The following IL34 variants were observed in gnomAD, a reference collection of about 807,000 sequenced individuals.
The protein encoded by IL34 is interleukin-34.
IL34 carries 17 observed loss-of-function variants against 25.3 expected under a neutral mutation model. The ratio of observed to expected loss-of-function variants is 0.67; its 90% CI spans 0.46 to 1.01. IL34 has a LOEUF of 1.01. Among genes scored for constraint, IL34 ranks in the 50% least tolerant of loss-of-function variants. IL34 has a pLI of 0.00. For missense variants in IL34, 368 were observed against 312.9 expected (o/e 1.18, Z -1.33); for synonymous variants, 174 against 140.9 (o/e 1.23, Z -1.66).
chr16:70,600,893 T>TAGGAGATGCTGGGAGAAATG (rs139145630), intron 1 of IL34, among the ~76,000 whole-genome samples: 9,791 of 145,964 alleles, frequency 0.067, 809 homozygotes, highest in East Asian at 0.2. Flanking sequence ...CTGGGAGAAG[T>TAGGAGATGCTGGGAGAAATG]AGGAGATGCT....
chr16:70,615,615 T>C (rs952049322), intron 1 of IL34, among the ~76,000 whole-genome samples: 1 of 152,226 alleles, frequency 6.6e-6, no homozygotes, highest in African/African-American at 2.4e-5. Context: ...ATGTTCACTT[T>C]ATGCAAATGC....
intron 1 of IL34, among the ~76,000 whole-genome samples, chr16:70,609,494 C>T (rs113250823): frequency 8.6e-5 from 13 of 152,008 alleles, no homozygotes; most frequent in African/African-American, 1.2e-4. Context: ...TGATGACACC[C>T]GGAGGTGTGG....
chr16:70,646,672 A>AC lies in IL34; in HGVS notation c.-271dup. ...TCCTTGGAAAGGAAGACCCCGAAAG[A>AC]CCCCCAAGCCACCGGCTCAGACCTG... On this transcript the variant is annotated 5_prime_UTR_variant, in exon 1 of 6. Coordinates refer to ENST00000288098, the MANE Select transcript of IL34 (RefSeq NM_001393494.1). 2.3e-6 allele frequency: 1 copy of AC among 433,810 alleles called. No homozygotes were observed. Among genetic ancestry groups the AC allele is most frequent in the Non-Finnish European group, 4.0e-6 (1 of 248,106 alleles). 26.9% of individuals were successfully genotyped at this position (433,810 alleles called of 1,614,324 possible). A position where few individuals can be genotyped will look rare whatever the true frequency, so the allele number is the denominator to read the frequency against.
intron 1 of IL34, 51 bp downstream of exon 1, chr16:70,647,026 A>C: frequency 7.1e-7 from 1 of 1,410,088 alleles, no homozygotes; most frequent in Non-Finnish European, 9.3e-7. Context: ...CTTGGCCTAG[A>C]TCCAGGATCT....
intron 5 of IL34, 40 bp from the exon 6 acceptor site, chr16:70,659,957 C>A: frequency 6.5e-7 from 1 of 1,531,394 alleles, no homozygotes; most frequent in South Asian, 1.3e-5. Flanking sequence ...TGGTCTTGAA[C>A]ACTGCTGCAG....
chr16:70,655,685 C>G (rs1398354523), intron 2 of IL34, among the ~76,000 whole-genome samples: 3 of 152,274 alleles, frequency 2.0e-5, no homozygotes, highest in African/African-American at 7.2e-5. Context: ...AGCCACCATG[C>G]CTGACCAATG....
Position 70,646,954 on chromosome 16 carries a change from CG to C in IL34, c.11del (p.Gly4AlafsTer26). On this transcript the variant is annotated frameshift_variant, in exon 1 of 6. Coordinates refer to ENST00000288098, the MANE Select transcript of IL34 (RefSeq NM_001393494.1). LOFTEE classifies it high-confidence loss of function. ...GGGGACGAGGAACACCACCATGCCC[CG>C]GGGCTTCACCTGGCTGCGCTGTGAG... MPRGFTWLRYLGI... is the reference protein window; with the variant it reads MPXGFTWLRYLGI... 1.4e-6 allele frequency: 2 copies of C among 1,467,882 alleles called. No homozygotes were observed. The highest frequency in any genetic ancestry group is 1.5e-5 in the African/African-American group (1 of 67,060). 90.9% of individuals were successfully genotyped at this position (1,467,882 alleles called of 1,614,324 possible).
At chr16:70,581,996 A>C (rs2050640744) in intron 1 of IL34, among the ~76,000 whole-genome samples, 2 of 152,184 alleles carry the variant, frequency 1.3e-5, no homozygotes, top group African/African-American at 4.8e-5. Context: ...TTTGTGAAGC[A>C]TCTAGCATAA....
At chr16:70,606,157 G>A (rs1456151002) in intron 1 of IL34, among the ~76,000 whole-genome samples, 2 of 151,898 alleles carry the variant, frequency 1.3e-5, no homozygotes, top group Admixed American at 6.6e-5. Flanking sequence ...AGCACGTTGG[G>A]AGGCCAAGAC....
chr16:70,651,771 A>G (rs1403943629), intron 1 of IL34, among the ~76,000 whole-genome samples: 3 of 152,148 alleles, frequency 2.0e-5, no homozygotes, highest in Admixed American at 2.0e-4. Context: ...GTAAAAAAAA[A>G]AAAAAAGAGG....
At chr16:70,633,974 C>T (rs1166902102) in intron 1 of IL34, among the ~76,000 whole-genome samples, 2 of 152,078 alleles carry the variant, frequency 1.3e-5, no homozygotes, top group African/African-American at 2.4e-5. Context: ...CCTCAGCCTC[C>T]GGAGTAGCTG....
At chr16:70,585,335 C>T (rs778233010) in intron 1 of IL34, among the ~76,000 whole-genome samples, 32 of 152,266 alleles carry the variant, frequency 2.1e-4, no homozygotes, top group Admixed American at 1.6e-3. Context: ...GCGATCCTCC[C>T]GCCTCAGCCT....
intron 1 of IL34, among the ~76,000 whole-genome samples, chr16:70,602,274 A>G (rs1279191423): frequency 6.6e-6 from 1 of 152,212 alleles, no homozygotes; most frequent in African/African-American, 2.4e-5. Context: ...GTAGAGTGAC[A>G]GCAAGAGCAA....
At chr16:70,590,378 G>GAGCT (rs1346154089) in intron 1 of IL34, among the ~76,000 whole-genome samples, 1 of 152,220 alleles carries the variant, frequency 6.6e-6, no homozygotes, top group East Asian at 1.9e-4. Flanking sequence ...GTGGATTGGG[G>GAGCT]AGCTCCCCAT....
chr16:70,619,029 G>T (rs2051221227), intron 1 of IL34, among the ~76,000 whole-genome samples: 1 of 152,128 alleles, frequency 6.6e-6, no homozygotes, highest in Non-Finnish European at 1.5e-5. Flanking sequence ...GGCACCACGG[G>T]GTGGATAGGC....
rs139982307 is a variant in IL34, at chr16:70,628,603, C to G, written c.-400-17945C>G. On this transcript the variant is annotated intron_variant, in intron 1 of 6. Coordinates refer to the IL34 transcript ENST00000429149. ...GCGGGTTCAAGCGATTCTCCTACCT[C>G]AGCCTCCCAAGCAGCTGGGATTACA... Among the ~76,000 whole-genome samples the G allele has an allele frequency of 5.9e-5, 9 of 151,786 alleles. No individual in the cohort carries two copies. The East Asian group carries it at 1.6e-3, about 26-fold the overall frequency.
chr16:70,615,686 C>T (rs1319097562), intron 1 of IL34, among the ~76,000 whole-genome samples: 32 of 152,080 alleles, frequency 2.1e-4, no homozygotes, highest in Admixed American at 1.8e-3. Context: ...CGCAGTGGCA[C>T]GTGCCTGTAA....
At chr16:70,637,770 C>G (rs1218524447) in intron 1 of IL34, among the ~76,000 whole-genome samples, 1 of 152,190 alleles carries the variant, frequency 6.6e-6, no homozygotes, top group Non-Finnish European at 1.5e-5. Flanking sequence ...TTCTTTGAAT[C>G]TGACTTTTTT....
chr16:70,660,306 A>G lies in IL34; in HGVS notation c.*119A>G, dbSNP rs2052373843. The G allele has an allele frequency of 4.3e-6, 4 of 939,028 alleles. No homozygotes were observed. Among genetic ancestry groups the G allele is most frequent in the Non-Finnish European group, 4.6e-6 (3 of 656,882 alleles). The allele number at this position is 939,028 out of a possible 1,614,324, so 58.2% of individuals were successfully genotyped here. A position where few individuals can be genotyped will look rare whatever the true frequency, so the allele number is the denominator to read the frequency against. Reference sequence around the variant, plus strand: ...CCCCCTTGGGAGAGGACCCCTGGGAAGGGTGTTTTTCCTTTGAGGGGGATT... The same window carrying G: ...CCCCCTTGGGAGAGGACCCCTGGGAGGGGTGTTTTTCCTTTGAGGGGGATT... On this transcript the variant is annotated 3_prime_UTR_variant, in exon 6 of 6. Coordinates refer to ENST00000288098, the MANE Select transcript of IL34 (RefSeq NM_001393494.1).
Sources: allele counts gnomAD v4.1 joint callset (sites outside exome capture counted in the v4.1 genomes callset), GRCh38; gene constraint gnomAD v4.1.1; transcripts MANE v1.5; gene names NCBI Gene and HGNC (gene_info 2026-07-23, HGNC 2026-07-21).